The following TRIM71 variants were observed in gnomAD, a reference collection of about 807,000 sequenced individuals.
TRIM71 encodes the protein E3 ubiquitin-protein ligase TRIM71.
TRIM71 carries 9 observed loss-of-function variants against 61.2 expected under a neutral mutation model. That is an observed-to-expected ratio of 0.15 (90% CI 0.09 to 0.26). The LOEUF is 0.26. Among genes scored for constraint, TRIM71 ranks in the 10% least tolerant of loss-of-function variants. The pLI is 1.00. For synonymous variants in TRIM71, 645 were observed against 553.2 expected (o/e 1.17, Z -2.33); for missense variants, 998 against 1,238.7 (o/e 0.81, Z 2.92).
chr3:32,888,570 C>T (rs558495054), intron 3 of TRIM71, among the ~76,000 whole-genome samples: 6 of 151,346 alleles, frequency 4.0e-5, no homozygotes, highest in Admixed American at 2.0e-4. Flanking sequence ...GACGGAGTTT[C>T]GCTCTTATTG....
chr3:32,878,931 A>T (rs1696878272), intron 2 of TRIM71, among the ~76,000 whole-genome samples: 1 of 152,242 alleles, frequency 6.6e-6, no homozygotes, highest in African/African-American at 2.4e-5. Flanking sequence ...TTCCAATATC[A>T]GGCTGTCTCC....
intron 1 of TRIM71, among the ~76,000 whole-genome samples, chr3:32,833,105 G>A (rs78180515): frequency 6.7e-6 from 1 of 149,166 alleles, no homozygotes; most frequent in Non-Finnish European, 1.5e-5. Flanking sequence ...AACCCGGGAG[G>A]TGGAGGTTGC....
intron 1 of TRIM71, among the ~76,000 whole-genome samples, chr3:32,872,170 A>G (rs1293016034): frequency 6.6e-6 from 1 of 152,160 alleles, no homozygotes; most frequent in Non-Finnish European, 1.5e-5. Flanking sequence ...CAAATAAAGT[A>G]GGATCCATAA....
In TRIM71 at chr3:32,818,502, C is replaced by T; in HGVS notation, c.422C>T (p.Ala141Val). ...AAGAACGGGCGCGCCGGCGCTCCGGCGGGAGCGGGCGGCCACAGCAACCAC... is the reference window on the plus strand; with the variant it reads ...AAGAACGGGCGCGCCGGCGCTCCGGTGGGAGCGGGCGGCCACAGCAACCAC... ...PPKNGRAGAP[A>V]GAGGHSNHRH... Residue 141 changes from alanine to valine, a missense_variant, in exon 1 of 4, where the codon GCG becomes GTG. Ala to Val is a moderately conservative substitution (Grantham distance 64). This residue lies in a region of TRIM71 where 527 missense variants were observed against 427.8 expected (regional missense o/e 1.23). Transcript: ENST00000383763. The T allele has an allele frequency of 1.4e-6, 2 of 1,419,384 alleles. No homozygotes were observed. Among genetic ancestry groups the T allele is most frequent in the Non-Finnish European group, 1.8e-6 (2 of 1,089,844 alleles). 87.9% of individuals were successfully genotyped at this position (1,419,384 alleles called of 1,614,324 possible).
chr3:32,863,821 ACAGGTGCC>A (rs1489421955), intron 1 of TRIM71, among the ~76,000 whole-genome samples: 1 of 152,154 alleles, frequency 6.6e-6, no homozygotes, highest in African/African-American at 2.4e-5. Context: ...AGCTGGAACC[ACAGGTGCC>A]CACCACCAGG....
At chr3:32,888,447 A>C (rs1297674669) in intron 3 of TRIM71, among the ~76,000 whole-genome samples, 1 of 6,306 alleles carries the variant, frequency 1.6e-4, no homozygotes, top group Non-Finnish European at 5.7e-3. Context: ...AAAAAAAAAA[A>C]AAAAAAAAAA....
At position 32,891,602 on chromosome 3, in the gene TRIM71, G is replaced by A. The variant is rs767106484; in HGVS notation, c.2398G>A (p.Val800Ile). ...TGGGCAGTTCCTGCGCCCACAAGGGGTAGCTGTGGACCAGGAAGGGCGCAT... is the reference window on the plus strand; with the variant it reads ...TGGGCAGTTCCTGCGCCCACAAGGGATAGCTGTGGACCAGGAAGGGCGCAT... ...GNGQFLRPQG[V>I]AVDQEGRIIV... Residue 800 changes from valine to isoleucine, a missense_variant, in exon 4 of 4, where the codon GTA becomes ATA. Around this residue, in one of 5 missense-constraint regions of TRIM71, gnomAD observed 95 missense variants for 159.0 expected, o/e 0.60. Transcript: ENST00000383763. This position sits in a 1 kb window ranked among gnomAD's most constrained non-coding sequence, Gnocchi z 8.2. 2.5e-6 allele frequency: 4 copies of A among 1,613,738 alleles called. No individual in the cohort carries two copies. The highest frequency in any genetic ancestry group is 1.3e-5 in the African/African-American group (1 of 75,040).
chr3:32,826,916 C>G (rs769309192), intron 1 of TRIM71, among the ~76,000 whole-genome samples: 4 of 151,866 alleles, frequency 2.6e-5, no homozygotes, highest in Non-Finnish European at 5.9e-5. Flanking sequence ...GTGCCTGCCA[C>G]CATGCCCGGC....
chr3:32,844,243 T>C (rs962392029), intron 1 of TRIM71, among the ~76,000 whole-genome samples: 4 of 152,202 alleles, frequency 2.6e-5, no homozygotes, highest in African/African-American at 7.2e-5. Context: ...CTTTAACAAG[T>C]ACCTCTGGGG....
At chr3:32,875,882 TAACAG>T (rs1213302682) in intron 2 of TRIM71, among the ~76,000 whole-genome samples, 7 of 152,152 alleles carry the variant, frequency 4.6e-5, no homozygotes, top group African/African-American at 1.7e-4. Context: ...TCATGCCTCT[TAACAG>T]AAGAGGGAGG....
rs759524012 is a variant in TRIM71 at position 32,891,713 on chromosome 3, G to T, written c.2509G>T (p.Gly837Cys). ...GTGCAAGTTTGGTGCTCAAGGCAGC[G>T]GCTTTGGGCAGATGGACCGCCCTTC... ...FLCKFGAQGS[G>C]FGQMDRPSGI... Residue 837 changes from glycine (G) to cysteine (C), a missense_variant, in exon 4 of 4, where the codon GGC becomes TGC. By Grantham distance (159) the Gly-to-Cys change is radical (BLOSUM62 -3). Around this residue, in one of 5 missense-constraint regions of TRIM71, gnomAD observed 95 missense variants for 159.0 expected, o/e 0.60. Coordinates refer to ENST00000383763, the MANE Select transcript of TRIM71 (RefSeq NM_001039111.3). The surrounding 1 kb of genome is among the most constrained non-coding windows in gnomAD (Gnocchi z 8.2). The T allele has an allele frequency of 2.5e-6, 4 of 1,614,032 alleles. No homozygotes were observed. Among genetic ancestry groups the T allele is most frequent in the Non-Finnish European group, 3.4e-6 (4 of 1,180,026 alleles).
chr3:32,884,553 A>C (rs1696940688), intron 2 of TRIM71, among the ~76,000 whole-genome samples: 1 of 151,532 alleles, frequency 6.6e-6, no homozygotes, highest in Non-Finnish European at 1.5e-5. Context: ...AAAAAAAAAA[A>C]AGAAAGAAAA....
chr3:32,819,280 T>A (rs1696101620), intron 1 of TRIM71, among the ~76,000 whole-genome samples: 1 of 141,382 alleles, frequency 7.1e-6, no homozygotes, highest in Non-Finnish European at 1.6e-5. Flanking sequence ...CTGCTCCTGC[T>A]CTTGTGGGCA....
intron 1 of TRIM71, among the ~76,000 whole-genome samples, chr3:32,856,271 C>T (rs922859232): frequency 6.6e-6 from 1 of 152,172 alleles, no homozygotes; most frequent in Admixed American, 6.5e-5. Context: ...CCTGCCTCGG[C>T]CTCCCAAAGT....
Position 32,893,596 on chromosome 3 carries a change from T to C in TRIM71, c.*1785T>C, listed in dbSNP as rs932719758. On this transcript the variant is annotated 3_prime_UTR_variant, in exon 4 of 4. Transcript: ENST00000383763. ...GGGAGACCTCTTGTTTAAAGACTTA[T>C]GGATCAACTTCTGTTCCTCTGTTTA... The C allele has an allele frequency of 2.0e-5, 3 of 152,222 alleles. No individual in the cohort carries two copies. Among genetic ancestry groups the C allele is most frequent in the African/African-American group, 4.8e-5 (2 of 41,460 alleles). The allele number at this position is 152,222 out of a possible 1,614,324, so 9.4% of individuals were successfully genotyped here. A position where few individuals can be genotyped will look rare whatever the true frequency, so the allele number is the denominator to read the frequency against.
At chr3:32,824,360 T>TC (rs1041622446) in intron 1 of TRIM71, among the ~76,000 whole-genome samples, 2 of 150,934 alleles carry the variant, frequency 1.3e-5, no homozygotes, top group African/African-American at 4.9e-5. Flanking sequence ...TTTCTTTCTT[T>TC]TTTTTTTTTT....
At chr3:32,866,033 C>G (rs1696733053) in intron 1 of TRIM71, among the ~76,000 whole-genome samples, 1 of 151,924 alleles carries the variant, frequency 6.6e-6, no homozygotes, top group Non-Finnish European at 1.5e-5. Context: ...GCCATGTTGG[C>G]CAGGCTGGTC....
In TRIM71 at chr3:32,891,935, CTTTTTT is replaced by C; in HGVS notation, c.*131_*136del. 1 of 1,077,658 alleles carries C rather than the reference CTTTTTT, an allele frequency of 9.3e-7. No individual in the cohort carries two copies. The highest frequency in any genetic ancestry group is 2.0e-5 in the South Asian group (1 of 49,014). 66.8% of individuals were successfully genotyped at this position (1,077,658 alleles called of 1,614,324 possible). On this transcript the variant is annotated 3_prime_UTR_variant, in exon 4 of 4. Coordinates refer to ENST00000383763, the MANE Select transcript of TRIM71 (RefSeq NM_001039111.3). The surrounding 1 kb of genome is among the most constrained non-coding windows in gnomAD (Gnocchi z 8.2). ...ACAGTCTCAGGGAAATTTCTTTTTTCTTTTTTTTTTTTAAAGAGAACAAGAAAAGTA... is the reference window on the plus strand; with the variant it reads ...ACAGTCTCAGGGAAATTTCTTTTTTCTTTTTTAAAGAGAACAAGAAAAGTA...
rs1697027406 is a variant in TRIM71 at position 32,891,741 on chromosome 3, G to A, written c.2537G>A (p.Gly846Asp). The change falls in exon 4 of 4, where the codon GGC becomes GAC. Residue 846 changes from glycine to aspartate, a missense_variant. By Grantham distance (94) the Gly-to-Asp change is moderately conservative. This residue lies in a region of TRIM71 where 95 missense variants were observed against 159.0 expected (regional missense o/e 0.60). Coordinates refer to ENST00000383763, the MANE Select transcript of TRIM71 (RefSeq NM_001039111.3). The surrounding 1 kb of genome is among the most constrained non-coding windows in gnomAD (Gnocchi z 8.2). ...TTTGGGCAGATGGACCGCCCTTCCG[G>A]CATCGCCATCACCCCCGACGGAATG... is the stretch of plus-strand genomic sequence containing the variant. The part of the protein sequence containing the change: ...SGFGQMDRPS[G>D]IAITPDGMIV... 1.2e-6 allele frequency: 2 copies of A among 1,613,988 alleles called. No homozygotes were observed. The highest frequency in any genetic ancestry group is 1.7e-6 in the Non-Finnish European group (2 of 1,180,030).
Sources: gnomAD v4.1 joint callset for allele counts (sites outside exome capture counted in the v4.1 genomes callset) on GRCh38, gnomAD v4.1.1 for gene constraint, gnomAD v4.1.1 regional missense constraint, Gnocchi (gnomAD v3.1) non-coding constraint, MANE v1.5 for transcripts, NCBI Gene and HGNC (gene_info 2026-07-23, HGNC 2026-07-21) for gene names.